Variants in THBS3 observed in about 807,000 individuals in gnomAD.
THBS3 encodes thrombospondin-3.
Under a neutral mutation model 118.3 loss-of-function variants are expected in THBS3, and 78 were observed. The ratio of observed to expected loss-of-function variants is 0.66; its 90% CI spans 0.55 to 0.80. The LOEUF (loss-of-function observed/expected upper bound fraction) is 0.80, where lower values mean the gene tolerates loss of function less well. THBS3 is among the 30% of genes least tolerant of loss of function. The pLI is 0.00. For missense variants in THBS3, 1,057 were observed against 1,247.4 expected (o/e 0.85, Z 2.30); for synonymous variants, 427 against 475.3 (o/e 0.90, Z 1.32).
At position 155,198,120 on chromosome 1, in the gene THBS3, A is replaced by G. The variant is rs1355039265; in HGVS notation, c.2175T>C (p.Asp725=). 6.2e-7 allele frequency: 1 copy of G among 1,614,124 alleles called. No individual in the cohort carries two copies. The change falls in exon 18 of 23, where the codon GAT becomes GAC. Residue 725 remains aspartate (D), a synonymous_variant. Transcript: ENST00000368378. ...GGACGACGGTCTGATAGGCCCGAAA[A>G]TCCGTAAGCGTTACCTCTGCACTTT... ...CPESAEVTLT[D]FRAYQTVVLD...
At position 155,202,102 on chromosome 1, in the gene THBS3, G is replaced by A; in HGVS notation, c.1099-68C>T. The stretch of plus-strand genomic sequence containing the variant: ...CTCCTCAGATACAGCAGAGGACACT[G>A]GTATGGCCTTATCTGTGAACATCAA... On this transcript the variant is annotated intron_variant, in intron 9 of 22. Transcript: ENST00000368378. This position sits in a 1 kb window ranked among gnomAD's most constrained non-coding sequence, Gnocchi z 5.5. 1 of 1,613,012 alleles carries A rather than the reference G, an allele frequency of 6.2e-7. No individual in the cohort carries two copies. Among genetic ancestry groups the A allele is most frequent in the Non-Finnish European group, 8.5e-7 (1 of 1,179,424 alleles).
At position 155,200,187 on chromosome 1, in the gene THBS3, G is replaced by T. The variant is rs185894454; in HGVS notation, c.1709-74C>A. On this transcript the variant is annotated intron_variant, in intron 14 of 22. Coordinates refer to ENST00000368378, the MANE Select transcript of THBS3 (RefSeq NM_007112.5). ...TCTCTTCTAGGTTGGTGAAAGTCCC[G>T]AACTTTGTCTCCCCACCCAGAGGAC... is the stretch of plus-strand genomic sequence containing the variant. The T allele has an allele frequency of 6.6e-6, 9 of 1,359,796 alleles. 1 individual carries two copies. In the Admixed American group the frequency reaches 1.6e-4, roughly 24 times the overall value. The allele number at this position is 1,359,796 out of a possible 1,614,324, so 84.2% of individuals were successfully genotyped here.
chr1:155,200,524 A>G lies in THBS3; in HGVS notation c.1635T>C (p.Val545=), dbSNP rs1669534057. ...FGDACDNCPN[V]PNNDQKDTDG... is the part of the protein sequence containing the mutation. ...CTGTGTCCTTCTGGTCATTGTTGGG[A>G]ACGTTGGGGCAATTGTCACAGGCAT... Residue 545 remains valine (V), a synonymous_variant, in exon 14 of 23, where the codon GTT becomes GTC. Coordinates refer to ENST00000368378, the MANE Select transcript of THBS3 (RefSeq NM_007112.5). 6.2e-7 allele frequency: 1 copy of G among 1,613,896 alleles called. No homozygotes were observed. The highest frequency in any genetic ancestry group is 1.6e-4 in the Middle Eastern group (1 of 6,062).
chr1:155,202,175 C>G lies in THBS3; in HGVS notation c.1098+86G>C, dbSNP rs1669854937. ...GATGCAAAGCCATCCATGTCCCATT[C>G]ATCACAAGGGTCCCATGTCCAACCC... On this transcript the variant is annotated intron_variant, in intron 9 of 22. Coordinates refer to ENST00000368378, the MANE Select transcript of THBS3 (RefSeq NM_007112.5). The surrounding 1 kb of genome is among the most constrained non-coding windows in gnomAD (Gnocchi z 5.5). The G allele has an allele frequency of 6.3e-7, 1 of 1,593,908 alleles. No individual in the cohort carries two copies. The highest frequency in any genetic ancestry group is 1.3e-5 in the African/African-American group (1 of 74,452).
upstream of THBS3, chr1:155,208,741 T>A: frequency 3.4e-5 from 31 of 905,858 alleles, no homozygotes; most frequent in Non-Finnish European, 4.1e-5. Flanking sequence ...CCACCGCCCC[T>A]GTTTTGTTTC....
Position 155,201,157 on chromosome 1 carries a change from T to G in THBS3, c.1377A>C (p.Thr459=), listed in dbSNP as rs1669655943. Residue 459 remains threonine (T), a synonymous_variant, in exon 12 of 23, where the codon ACA becomes ACC. Coordinates refer to ENST00000368378, the MANE Select transcript of THBS3 (RefSeq NM_007112.5). ...CTTGGTCTGGGTAGCCATCGATGTC[T>G]GTGTCAGTCCCACACACGTTCCCAT... ...AGNGNVCGTD[T]DIDGYPDQAL... The G allele has an allele frequency of 6.2e-7, 1 of 1,614,100 alleles. No homozygotes were observed. Among genetic ancestry groups the G allele is most frequent in the Non-Finnish European group, 8.5e-7 (1 of 1,180,050 alleles).
intron 14 of THBS3, 116 bp downstream of exon 14, chr1:155,200,335 A>G (rs946752982): frequency 1.5e-6 from 2 of 1,371,540 alleles, no homozygotes. Flanking sequence ...ACCCAGGCCA[A>G]CGTCCACAAG....
chr1:155,208,985 C>T, upstream of THBS3: 1 of 1,603,612 alleles, frequency 6.2e-7, no homozygotes, highest in South Asian at 1.1e-5. Flanking sequence ...GACGAGGCGC[C>T]GTGACTCTCC....
At position 155,198,963 on chromosome 1, in the gene THBS3, C is replaced by T. The variant is rs573349441; in HGVS notation, c.1881-361G>A. ...GATGAAACCCTGTCTCTACTAAAAA[C>T]ACAAAAATTAGCTGAGCTTGGTAGC... is the stretch of plus-strand genomic sequence containing the variant. On this transcript the variant is annotated intron_variant, in intron 16 of 22. Transcript: ENST00000368378. 4.6e-5 allele frequency among the ~76,000 whole-genome samples: 7 copies of T among 151,822 alleles called. No individual in the cohort carries two copies. The South Asian group carries it at 1.5e-3, about 32-fold the overall frequency.
At position 155,202,175 on chromosome 1, in the gene THBS3, C is replaced by A; in HGVS notation, c.1098+86G>T. On this transcript the variant is annotated intron_variant, in intron 9 of 22. Transcript: ENST00000368378. The surrounding 1 kb of genome is among the most constrained non-coding windows in gnomAD (Gnocchi z 5.5). ...GATGCAAAGCCATCCATGTCCCATTCATCACAAGGGTCCCATGTCCAACCC... is the reference window on the plus strand; with the variant it reads ...GATGCAAAGCCATCCATGTCCCATTAATCACAAGGGTCCCATGTCCAACCC... 6.3e-7 allele frequency: 1 copy of A among 1,594,026 alleles called. No individual in the cohort carries two copies. Among genetic ancestry groups the A allele is most frequent in the South Asian group, 1.1e-5 (1 of 87,980 alleles).
intron 21 of THBS3, chr1:155,196,702 C>T: frequency 3.4e-6 from 1 of 291,236 alleles, no homozygotes; most frequent in Non-Finnish European, 6.4e-6. Flanking sequence ...CCTTCCAGGT[C>T]AGATGATCCC....
At chr1:155,198,993 G>A (rs184139573) in intron 16 of THBS3, among the ~76,000 whole-genome samples, 2 of 152,150 alleles carry the variant, frequency 1.3e-5, no homozygotes, top group East Asian at 1.9e-4. Context: ...GGTAGCACGC[G>A]CCTGTAATCC....
chr1:155,201,308 G>A (rs2147966424), intron 11 of THBS3, 104 bp from the exon 12 acceptor site: 2 of 1,579,480 alleles, frequency 1.3e-6, no homozygotes, highest in South Asian at 2.4e-5. Context: ...CAGTTCCTGG[G>A]CCCAGGCCCA....
chr1:155,205,276 G>A lies in THBS3; in HGVS notation c.327C>T (p.Ala109=), dbSNP rs371556768. ...CCAGGCCCGCTTGCTGTAGGTTCAC[G>A]GCGTGGACTTTGCCATCCTCCCGCT... ...RYQREDGKVH[A]VNLQQAGLAD... The change falls in exon 3 of 23, where the codon GCC becomes GCT. Residue 109 remains alanine (A), a synonymous_variant. Coordinates refer to ENST00000368378, the MANE Select transcript of THBS3 (RefSeq NM_007112.5). The A allele has an allele frequency of 2.5e-4, 404 of 1,613,950 alleles. No individual in the cohort carries two copies. The highest frequency in any genetic ancestry group is 1.2e-3 in the Middle Eastern group (7 of 6,084).
rs1670306839 is a variant in THBS3, at chr1:155,204,816, A to C, written c.646+39T>G. On this transcript the variant is annotated intron_variant, in intron 4 of 22. Coordinates refer to ENST00000368378, the MANE Select transcript of THBS3 (RefSeq NM_007112.5). The stretch of plus-strand genomic sequence containing the variant: ...GACAGGAGTCACCAAAGGCCACAGG[A>C]TCCGTGGTCCAATGTCAGCAAACAA... The C allele has an allele frequency of 1.9e-6, 3 of 1,581,988 alleles. No homozygotes were observed. The East Asian group carries it at 6.7e-5, about 35-fold the overall frequency.
At position 155,200,085 on chromosome 1, in the gene THBS3, A is replaced by G; in HGVS notation, c.1737T>C (p.Pro579=). The G allele has an allele frequency of 6.3e-7, 1 of 1,588,636 alleles. No individual in the cohort carries two copies. Residue 579 remains proline (P), a synonymous_variant, in exon 15 of 23, where the codon CCT becomes CCC. Coordinates refer to ENST00000368378, the MANE Select transcript of THBS3 (RefSeq NM_007112.5). ...DGIPNGLDNC[P]KVPNPLQTDR... ...CTGTCTGTAGTGGGTTGGGGACTTTAGGGCAATTGTCCAATCCATTGGGGA... is the reference window on the plus strand; with the variant it reads ...CTGTCTGTAGTGGGTTGGGGACTTTGGGGCAATTGTCCAATCCATTGGGGA...
At chr1:155,208,032 T>C, upstream of THBS3, 1 of 623,832 alleles carries the variant, frequency 1.6e-6, no homozygotes, top group Non-Finnish European at 2.8e-6. Context: ...CCAATCACCC[T>C]GGAGGCATCA....
At chr1:155,196,427 C>T (rs1668686226) in intron 21 of THBS3, 1 of 431,412 alleles carries the variant, frequency 2.3e-6, no homozygotes, top group African/African-American at 2.0e-5. Flanking sequence ...CACCCGCTTC[C>T]CAGGCTCTAG....
At position 155,205,104 on chromosome 1, in the gene THBS3, C is replaced by G; in HGVS notation, c.499G>C (p.Gly167Arg). 6.2e-7 allele frequency: 1 copy of G among 1,614,114 alleles called. No homozygotes were observed. The highest frequency in any genetic ancestry group is 8.5e-7 in the Non-Finnish European group (1 of 1,180,006). ...LAPIPPAEVD[G>R]LEIRTGQKAY... Reference sequence around the variant, plus strand: ...TTCTGTCCAGTCCTAATCTCCAGCCCATCGACCTCCGCTGGAGGAATGGGG... The same window carrying G: ...TTCTGTCCAGTCCTAATCTCCAGCCGATCGACCTCCGCTGGAGGAATGGGG... The change falls in exon 3 of 23, where the codon GGG becomes CGG. Residue 167 changes from glycine to arginine, a missense_variant. Gly to Arg is a moderately radical substitution (Grantham distance 125). Around this residue, in one of 3 missense-constraint regions of THBS3, gnomAD observed 544 missense variants for 715.6 expected, o/e 0.76. Transcript: ENST00000368378.
Sources: allele counts gnomAD v4.1 joint callset (sites outside exome capture counted in the v4.1 genomes callset), GRCh38; gene constraint gnomAD v4.1.1; regional missense constraint gnomAD v4.1.1; non-coding constraint Gnocchi (gnomAD v3.1); transcripts MANE v1.5; gene names NCBI Gene and HGNC (gene_info 2026-07-23, HGNC 2026-07-21).